ROBO2: variants seen among roughly 807,000 people sequenced by gnomAD.
The protein encoded by ROBO2 is roundabout homolog 2.
A neutral mutation model predicts 160.8 loss-of-function variants in ROBO2; 53 were observed. The ratio of observed to expected loss-of-function variants is 0.33; its 90% CI spans 0.26 to 0.41. The LOEUF (loss-of-function observed/expected upper bound fraction) is 0.41, where lower values mean the gene tolerates loss of function less well. Among genes scored for constraint, ROBO2 ranks in the 10% least tolerant of loss-of-function variants. The pLI is 1.00. For missense variants in ROBO2, 1,577 were observed against 1,722.4 expected (o/e 0.92, Z 1.49); for synonymous variants, 664 against 611.7 (o/e 1.09, Z -1.26).
chr3:77,277,184 CTTTCT>C (rs1174601535), intron 2 of ROBO2, among the ~76,000 whole-genome samples: 18 of 114,070 alleles, frequency 1.6e-4, no homozygotes, highest in African/African-American at 2.8e-4. Flanking sequence ...TTCTTTCTTT[CTTTCT>C]TTCTTTCTTT....
At chr3:77,250,710 G>T (rs544269054) in intron 2 of ROBO2, among the ~76,000 whole-genome samples, 65 of 152,272 alleles carry the variant, frequency 4.3e-4, no homozygotes, top group African/African-American at 1.5e-3. Flanking sequence ...GATGCATCTG[G>T]TGTTGGCCTT....
chr3:76,972,279 T>C (rs983761082), intron 2 of ROBO2, among the ~76,000 whole-genome samples: 1 of 152,176 alleles, frequency 6.6e-6, no homozygotes, highest in Non-Finnish European at 1.5e-5. Flanking sequence ...CACATTTCCC[T>C]AACTGCCATT....
chr3:75,985,242 GC>G (rs888358092), intron 2 of ROBO2, among the ~76,000 whole-genome samples: 2 of 151,156 alleles, frequency 1.3e-5, no homozygotes, highest in African/African-American at 2.4e-5. Flanking sequence ...TCAGACTTTG[GC>G]CAATATCCGT....
chr3:76,752,178 T>G (rs983301532), intron 2 of ROBO2, among the ~76,000 whole-genome samples: 3 of 151,000 alleles, frequency 2.0e-5, no homozygotes, highest in Admixed American at 6.6e-5. Context: ...CATTCTGAAC[T>G]ATCGCAAGGA....
chr3:77,174,274 A>G (rs571458118), intron 2 of ROBO2, among the ~76,000 whole-genome samples: 2 of 152,170 alleles, frequency 1.3e-5, no homozygotes, highest in African/African-American at 4.8e-5. Flanking sequence ...TGTAATGTTG[A>G]TTAACATTGC....
At chr3:76,043,135 A>G (rs1007371982) in intron 2 of ROBO2, among the ~76,000 whole-genome samples, 1 of 151,968 alleles carries the variant, frequency 6.6e-6, no homozygotes, top group Non-Finnish European at 1.5e-5. Context: ...TCTTACACAC[A>G]AGGTATTTAA....
intron 2 of ROBO2, among the ~76,000 whole-genome samples, chr3:77,019,289 G>A (rs935308776): frequency 6.6e-6 from 1 of 152,086 alleles, no homozygotes; most frequent in Non-Finnish European, 1.5e-5. Flanking sequence ...CTTTCCAGCT[G>A]TGTCTTCCAT....
At position 77,568,380 on chromosome 3, in the gene ROBO2, C is replaced by T. The variant is rs774937371; in HGVS notation, c.1917C>T (p.Val639=). 6.2e-6 allele frequency: 10 copies of T among 1,612,948 alleles called. No homozygotes were observed. In the East Asian group the frequency reaches 1.8e-4, roughly 29 times the overall value. Reference sequence around the variant, plus strand: ...AGAAAGAGCTAGGAGATGTCCTTGTCCGTCTTCATAATCCAGTTGTGCTGA... The same window carrying T: ...AGAAAGAGCTAGGAGATGTCCTTGTTCGTCTTCATAATCCAGTTGTGCTGA... Residue 639 remains valine (V), a synonymous_variant, in exon 13 of 26, where the codon GTC becomes GTT. Coordinates refer to ENST00000461745, the Ensembl canonical transcript of ROBO2.
intron 2 of ROBO2, among the ~76,000 whole-genome samples, chr3:76,913,575 T>TA (rs112277015): frequency 1.3e-5 from 2 of 152,336 alleles, no homozygotes; most frequent in African/African-American, 4.8e-5. Flanking sequence ...TAAATCGAGT[T>TA]AAAACCTAAG....
At chr3:76,242,707 G>T (rs186490393) in intron 2 of ROBO2, among the ~76,000 whole-genome samples, 8 of 152,202 alleles carry the variant, frequency 5.3e-5, no homozygotes, top group African/African-American at 1.9e-4. Context: ...GCAACATAGT[G>T]AGACCCTGTC....
chr3:76,168,329 G>A (rs2072912187), intron 2 of ROBO2, among the ~76,000 whole-genome samples: 1 of 152,134 alleles, frequency 6.6e-6, no homozygotes, highest in Non-Finnish European at 1.5e-5. Flanking sequence ...TCTTAGAGGT[G>A]ACGATATTGT....
At chr3:76,882,693 AG>A (rs2073477378) in intron 2 of ROBO2, among the ~76,000 whole-genome samples, 1 of 152,188 alleles carries the variant, frequency 6.6e-6, no homozygotes, top group Non-Finnish European at 1.5e-5. Context: ...AAAATCTATC[AG>A]AATCTTACGG....
At chr3:75,968,827 C>T (rs2064892750) in intron 2 of ROBO2, among the ~76,000 whole-genome samples, 1 of 144,252 alleles carries the variant, frequency 6.9e-6, no homozygotes, top group Non-Finnish European at 1.6e-5. Context: ...CATAGAATAG[C>T]CACCATTCTA....
intron 2 of ROBO2, among the ~76,000 whole-genome samples, chr3:76,794,826 A>T (rs187315288): frequency 1.8e-4 from 27 of 152,072 alleles, no homozygotes; most frequent in African/African-American, 6.5e-4. Context: ...ATTTTGGTAA[A>T]CCTCATCATT....
At chr3:76,906,502 ATAAT>A (rs1162917983) in intron 2 of ROBO2, among the ~76,000 whole-genome samples, 2 of 151,756 alleles carry the variant, frequency 1.3e-5, no homozygotes, top group Non-Finnish European at 2.9e-5. Flanking sequence ...TCTGATAATA[ATAAT>A]TATTATTAAG....
intron 2 of ROBO2, among the ~76,000 whole-genome samples, chr3:76,298,661 C>T (rs1370428788): frequency 6.6e-6 from 1 of 152,136 alleles, no homozygotes. Flanking sequence ...CTCAAAACAA[C>T]CTCATGGGAT....
intron 2 of ROBO2, among the ~76,000 whole-genome samples, chr3:76,955,388 A>G (rs1019600595): frequency 6.6e-6 from 1 of 152,140 alleles, no homozygotes; most frequent in African/African-American, 2.4e-5. Context: ...AAGTGGAATG[A>G]CTGGGTCATA....
Position 77,604,588 on chromosome 3 carries a change from C to T in ROBO2, c.3136+2097C>T, listed in dbSNP as rs1185611286. Among the ~76,000 whole-genome samples the T allele has an allele frequency of 2.6e-5, 4 of 152,108 alleles. No homozygotes were observed. The South Asian group carries it at 8.3e-4, about 31-fold the overall frequency. ...ATATATCTATGAATTATATTAACTA[C>T]TTCATCTACATTTGAATACAAAATT... On this transcript the variant is annotated intron_variant, in intron 20 of 25. Coordinates refer to ENST00000461745, the Ensembl canonical transcript of ROBO2.
chr3:76,070,635 C>G (rs143943194), intron 2 of ROBO2, among the ~76,000 whole-genome samples: 1 of 152,110 alleles, frequency 6.6e-6, no homozygotes, highest in Non-Finnish European at 1.5e-5. Flanking sequence ...CACACCTATT[C>G]GCACACTCCC....
Sources: allele counts gnomAD v4.1 joint callset (sites outside exome capture counted in the v4.1 genomes callset), GRCh38; gene constraint gnomAD v4.1.1; transcripts MANE v1.5; gene names NCBI Gene and HGNC (gene_info 2026-07-23, HGNC 2026-07-21).